ERC1: variants seen among roughly 807,000 people sequenced by gnomAD.
ERC1 encodes RAB6 interacting protein 2.
ERC1 carries 56 observed loss-of-function variants against 132.0 expected under a neutral mutation model. The ratio of observed to expected loss-of-function variants is 0.42; its 90% CI spans 0.34 to 0.53. The LOEUF (loss-of-function observed/expected upper bound fraction) is 0.53, where lower values mean the gene tolerates loss of function less well. Ranked by LOEUF, ERC1 falls within the 20% of genes least tolerant of loss-of-function variation. The probability of loss-of-function intolerance (pLI) is 0.03; values close to 1 mark genes in which losing one functional copy is unlikely to be tolerated. For missense variants in ERC1, 1,202 were observed against 1,349.9 expected (o/e 0.89, Z 1.72); for synonymous variants, 478 against 476.1 (o/e 1.00, Z -0.05).
At chr12:1,071,820 G>T (rs1264251495) in intron 2 of ERC1, among the ~76,000 whole-genome samples, 1 of 152,116 alleles carries the variant, frequency 6.6e-6, no homozygotes, top group African/African-American at 2.4e-5. Flanking sequence ...AAAGTCTGAG[G>T]CTGGGCACAG....
chr12:1,238,554 A>G (rs994516350), intron 13 of ERC1, among the ~76,000 whole-genome samples: 1 of 152,170 alleles, frequency 6.6e-6, no homozygotes, highest in African/African-American at 2.4e-5. Flanking sequence ...ATTTCATGAA[A>G]TTAATGATGA....
At chr12:1,101,737 A>C (rs1204251286) in intron 3 of ERC1, among the ~76,000 whole-genome samples, 1 of 152,206 alleles carries the variant, frequency 6.6e-6, no homozygotes, top group African/African-American at 2.4e-5. Context: ...AATGCCTGCC[A>C]CGGTGCGAGA....
At chr12:1,303,019 T>TG (rs1748459190) in intron 15 of ERC1, among the ~76,000 whole-genome samples, 1 of 152,158 alleles carries the variant, frequency 6.6e-6, no homozygotes, top group Non-Finnish European at 1.5e-5. Flanking sequence ...GCAGTAGCGT[T>TG]GTGTCTTAAA....
At chr12:1,035,141 G>C (rs1968820456) in intron 2 of ERC1, among the ~76,000 whole-genome samples, 1 of 152,212 alleles carries the variant, frequency 6.6e-6, no homozygotes, top group Non-Finnish European at 1.5e-5. Flanking sequence ...TAGTCAGCCA[G>C]CAGTGGGGCC....
chr12:1,146,175 T>C (rs1950323821), intron 8 of ERC1, among the ~76,000 whole-genome samples: 1 of 151,798 alleles, frequency 6.6e-6, no homozygotes, highest in Non-Finnish European at 1.5e-5. Context: ...GTGGTAATTT[T>C]CACAATATTG....
intron 16 of ERC1, among the ~76,000 whole-genome samples, chr12:1,401,331 A>G (rs77095093): frequency 1.8e-3 from 278 of 152,300 alleles, no homozygotes; most frequent in African/African-American, 6.3e-3. Context: ...CAGTAGTCAT[A>G]GTAGTAGAAG....
intron 17 of ERC1, among the ~76,000 whole-genome samples, chr12:1,438,972 A>ATATATATATATATATAT (rs1246217572): frequency 4.9e-5 from 7 of 143,962 alleles, no homozygotes; most frequent in African/African-American, 2.0e-4. Context: ...TATATATATA[A>ATATATATATATATATAT]AAAATGACAT....
intron 18 of ERC1, among the ~76,000 whole-genome samples, chr12:1,448,351 A>G (rs570642854): frequency 6.6e-6 from 1 of 152,342 alleles, no homozygotes; most frequent in South Asian, 2.1e-4. Context: ...AACAACCCCT[A>G]CTATAAGCTT....
chr12:999,584 C>T (rs1399630322), intron 1 of ERC1, among the ~76,000 whole-genome samples: 1 of 147,842 alleles, frequency 6.8e-6, no homozygotes, highest in Non-Finnish European at 1.5e-5. Context: ...TGCCAGGTTG[C>T]AAGCATTGAA....
chr12:1,392,749 A>G (rs970189473), intron 16 of ERC1, among the ~76,000 whole-genome samples: 1 of 152,232 alleles, frequency 6.6e-6, no homozygotes, highest in African/African-American at 2.4e-5. Context: ...ATAATTTAAG[A>G]TACTTTTCTA....
At chr12:1,317,823 A>G (rs2081872977) in intron 15 of ERC1, among the ~76,000 whole-genome samples, 1 of 152,152 alleles carries the variant, frequency 6.6e-6, no homozygotes, top group African/African-American at 2.4e-5. Flanking sequence ...AACACTCTCT[A>G]TATACTTTCT....
intron 8 of ERC1, among the ~76,000 whole-genome samples, chr12:1,143,370 G>GTA (rs1950037098): frequency 7.2e-6 from 1 of 139,592 alleles, no homozygotes; most frequent in African/African-American, 3.3e-5. Context: ...GTGTGTGTGT[G>GTA]TGTGTGTGTG....
intron 7 of ERC1, among the ~76,000 whole-genome samples, chr12:1,135,265 A>G (rs1949140792): frequency 6.6e-6 from 1 of 152,166 alleles, no homozygotes; most frequent in African/African-American, 2.4e-5. Context: ...TCACGGAAAC[A>G]AGTCAATGAA....
intron 15 of ERC1, among the ~76,000 whole-genome samples, chr12:1,321,289 T>A (rs1193194343): frequency 6.6e-6 from 1 of 152,158 alleles, no homozygotes; most frequent in Non-Finnish European, 1.5e-5. Context: ...CAAAATTGTA[T>A]GTGAAATTAT....
At position 1,478,738 on chromosome 12, in the gene ERC1, A is replaced by G. The variant is rs796333162; in HGVS notation, c.3214-11355A>G. 1.4e-4 allele frequency among the ~76,000 whole-genome samples: 22 copies of G among 152,128 alleles called. 1 individual carries two copies. The highest frequency in any genetic ancestry group is 5.3e-4 in the African/African-American group (22 of 41,484). On this transcript the variant is annotated intron_variant, in intron 18 of 18. Transcript: ENST00000360905. ...CGGGATGTGGAGCTTGCAGTGAGCC[A>G]AGATCGCACCACTGCACTCCAGCCT...
intron 18 of ERC1, among the ~76,000 whole-genome samples, chr12:1,484,253 C>A (rs568038443): frequency 1.3e-5 from 2 of 151,308 alleles, no homozygotes; most frequent in Admixed American, 6.6e-5. Flanking sequence ...TGCAGTGAGC[C>A]GAGATCGCAC....
chr12:1,020,032 G>A (rs1490366294), intron 1 of ERC1, among the ~76,000 whole-genome samples: 1 of 152,100 alleles, frequency 6.6e-6, no homozygotes, highest in Non-Finnish European at 1.5e-5. Context: ...AGGATTACAG[G>A]CATGGGCCAC....
Position 1,193,676 on chromosome 12 carries a change from C to G in ERC1, c.2351+3624C>G, listed in dbSNP as rs12303366. Among the ~76,000 whole-genome samples the G allele has an allele frequency of 4.6e-3, 706 of 152,246 alleles. 5 individuals are homozygous for G. Among genetic ancestry groups the G allele is most frequent in the African/African-American group, 0.016 (676 of 41,552 alleles). On this transcript the variant is annotated intron_variant, in intron 12 of 18. Transcript: ENST00000360905. ...GAGAAGATCGTGAGCAGGATGGAAC[C>G]TGTTGCAGGCACAAGCCAAAGCTGT...
intron 1 of ERC1, among the ~76,000 whole-genome samples, chr12:1,006,613 C>T (rs906472765): frequency 6.6e-6 from 1 of 151,790 alleles, no homozygotes; most frequent in African/African-American, 2.4e-5. Context: ...CCAAGTTGGT[C>T]TCAAAACCCT....
Sources: allele counts gnomAD v4.1 joint callset (sites outside exome capture counted in the v4.1 genomes callset), GRCh38; gene constraint gnomAD v4.1.1; transcripts MANE v1.5; gene names NCBI Gene and HGNC (gene_info 2026-07-23, HGNC 2026-07-21).